FILIP1: variants seen among roughly 807,000 people sequenced by gnomAD.
The protein encoded by FILIP1 is filamin-A-interacting protein 1.
A neutral mutation model predicts 102.1 loss-of-function variants in FILIP1; 61 were observed. That is an observed-to-expected ratio of 0.60 (90% CI 0.49 to 0.74). The LOEUF is 0.74. Among genes scored for constraint, FILIP1 ranks in the 30% least tolerant of loss-of-function variants. FILIP1 has a pLI of 0.00. For missense variants in FILIP1, 1,314 were observed against 1,441.2 expected (o/e 0.91, Z 1.43); for synonymous variants, 491 against 526.9 (o/e 0.93, Z 0.93).
In FILIP1 at chr6:75,446,808, G is replaced by A. The variant is rs111718931; in HGVS notation, c.-6-31830C>T. On this transcript the variant is annotated intron_variant, in intron 1 of 5. Transcript: ENST00000237172. ...AGCAAATGTAAACTGGGTGCACAAC[G>A]TTCCAACAGTTCTGTAATTTGGGGA... Among the ~76,000 whole-genome samples the A allele has an allele frequency of 5.1e-3, 777 of 152,232 alleles. 16 individuals carry two copies. The highest frequency in any genetic ancestry group is 0.018 in the African/African-American group (728 of 41,542).
Position 75,299,474 on chromosome 6 carries a change from A to G in FILIP1, c.3494-3524T>C, listed in dbSNP as rs533799069. Among the ~76,000 whole-genome samples, 3 of 152,298 alleles carry G rather than the reference A, an allele frequency of 2.0e-5. No homozygotes were observed. The South Asian group carries it at 6.2e-4, about 32-fold the overall frequency. ...GCACTTAAATTTGGGACCCTCTGATATGAAGATGTTTATTAACATAATTTC... is the reference window on the plus strand; with the variant it reads ...GCACTTAAATTTGGGACCCTCTGATGTGAAGATGTTTATTAACATAATTTC... On this transcript the variant is annotated intron_variant, in intron 6 of 6. Transcript: ENST00000393004.
chr6:75,482,959 T>C (rs1437313606), intron 1 of FILIP1, among the ~76,000 whole-genome samples: 3 of 152,220 alleles, frequency 2.0e-5, no homozygotes, highest in African/African-American at 4.8e-5. Flanking sequence ...GGTTGAATTT[T>C]TGAATTTACA....
chr6:75,313,369 A>T lies in FILIP1; in HGVS notation c.2463T>A (p.Ala821=). Residue 821 remains alanine (A), a synonymous_variant, in exon 5 of 6, where the codon GCT becomes GCA. Transcript: ENST00000237172. This position sits in a 1 kb window ranked among gnomAD's most constrained non-coding sequence, Gnocchi z 4.2. The part of the protein sequence containing the change: ...SGEAAEEETP[A]VFIRKSFQEE... Reference sequence around the variant, plus strand: ...CCTGGAAGGATTTCCGTATGAATACAGCTGGCGTTTCTTCCTCTGCTGCTT... The same window carrying T: ...CCTGGAAGGATTTCCGTATGAATACTGCTGGCGTTTCTTCCTCTGCTGCTT... 11 of 1,614,234 alleles carry T rather than the reference A, an allele frequency of 6.8e-6. No homozygotes were observed. The highest frequency in any genetic ancestry group is 9.3e-6 in the Non-Finnish European group (11 of 1,180,042).
At chr6:75,432,456 CAG>C (rs1162664364) in intron 1 of FILIP1, among the ~76,000 whole-genome samples, 1 of 152,148 alleles carries the variant, frequency 6.6e-6, no homozygotes, top group African/African-American at 2.4e-5. Flanking sequence ...AGATAAATCA[CAG>C]AGAGAGCTGG....
intron 1 of FILIP1, among the ~76,000 whole-genome samples, chr6:75,436,356 C>A (rs1259653233): frequency 6.6e-6 from 1 of 150,640 alleles, no homozygotes; most frequent in East Asian, 2.0e-4. Context: ...CAGAGTGAGA[C>A]CCTGTCTCAG....
chr6:75,435,665 C>T (rs1777994346), intron 1 of FILIP1, among the ~76,000 whole-genome samples: 1 of 152,210 alleles, frequency 6.6e-6, no homozygotes, highest in Admixed American at 6.5e-5. Flanking sequence ...ATGAATAACT[C>T]TGCTCTTAAA....
At chr6:75,357,610 T>C (rs576099268) in intron 3 of FILIP1, among the ~76,000 whole-genome samples, 63 of 152,260 alleles carry the variant, frequency 4.1e-4, no homozygotes, top group Non-Finnish European at 7.8e-4. Context: ...ATGTGTTTCT[T>C]AGGCAGAGCT....
intron 2 of FILIP1, among the ~76,000 whole-genome samples, chr6:75,387,276 C>T (rs935513281): frequency 2.0e-5 from 3 of 152,032 alleles, no homozygotes; most frequent in Admixed American, 2.0e-4. Flanking sequence ...CTTTGATGGG[C>T]ATTTGGGTTG....
rs1349349617 is a variant in FILIP1, at chr6:75,430,474, G to GA, written c.-6-15497dup. Among the ~76,000 whole-genome samples the GA allele has an allele frequency of 4.0e-5, 6 of 151,704 alleles. No individual in the cohort carries two copies. The East Asian group carries it at 5.8e-4, about 15-fold the overall frequency. On this transcript the variant is annotated intron_variant, in intron 1 of 5. Coordinates refer to ENST00000237172, the MANE Select transcript of FILIP1 (RefSeq NM_015687.5). ...GTATTATAAATCATATCAAAAAACA[G>GA]AAAAAAATAACAAAATGAAGTAATT...
Position 75,392,696 on chromosome 6 carries a change from C to A in FILIP1, c.276+22001G>T, listed in dbSNP as rs117893935. 1.2e-3 allele frequency among the ~76,000 whole-genome samples: 184 copies of A among 152,266 alleles called. 5 individuals are homozygous for A. The East Asian group carries it at 0.034, about 28-fold the overall frequency. On this transcript the variant is annotated intron_variant, in intron 2 of 5. Coordinates refer to ENST00000237172, the MANE Select transcript of FILIP1 (RefSeq NM_015687.5). ...TTTTGCTCTGTGCCCCCACCCAAAT[C>A]TCATATTGTAGCTCCCATAATTCCC...
intron 4 of FILIP1, among the ~76,000 whole-genome samples, chr6:75,323,381 A>G (rs559254775): frequency 8.5e-5 from 13 of 152,234 alleles, no homozygotes; most frequent in Non-Finnish European, 1.3e-4. Context: ...TAAAAACCAG[A>G]AAAAAGAAAT....
At chr6:75,328,107 C>A (rs905721627) in intron 4 of FILIP1, among the ~76,000 whole-genome samples, 4 of 152,034 alleles carry the variant, frequency 2.6e-5, no homozygotes, top group African/African-American at 9.7e-5. Context: ...GAAAGGGGAA[C>A]CTATGGATTT....
chr6:75,353,475 G>A (rs1774879124), intron 4 of FILIP1, 64 bp downstream of exon 4: 1 of 1,564,172 alleles, frequency 6.4e-7, no homozygotes, highest in Middle Eastern at 1.7e-4. Flanking sequence ...ATCCCTGAAG[G>A]GACGGGCAGA....
chr6:75,296,814 G>A (rs2149531303), intron 6 of FILIP1: 1 of 152,038 alleles, frequency 6.6e-6, no homozygotes, highest in Middle Eastern at 3.4e-3. Context: ...CTAGATTGAG[G>A]TAGTAATTAC....
chr6:75,454,199 T>C (rs1778742781), intron 1 of FILIP1, among the ~76,000 whole-genome samples: 1 of 152,186 alleles, frequency 6.6e-6, no homozygotes, highest in South Asian at 2.1e-4. Flanking sequence ...CTTACAGCTG[T>C]AGGACTGAGG....
chr6:75,415,328 T>G (rs1356497179), intron 1 of FILIP1, among the ~76,000 whole-genome samples: 1 of 151,944 alleles, frequency 6.6e-6, no homozygotes, highest in African/African-American at 2.4e-5. Context: ...GGAAACTGGG[T>G]GTAGGGCATA....
At chr6:75,321,081 CCTT>C (rs1323226702) in intron 4 of FILIP1, among the ~76,000 whole-genome samples, 5 of 151,944 alleles carry the variant, frequency 3.3e-5, no homozygotes, top group Non-Finnish European at 7.4e-5. Context: ...TTCTCCCTCT[CCTT>C]CTTCTTCAAG....
At chr6:75,315,357 G>T (rs1773408706) in intron 4 of FILIP1, among the ~76,000 whole-genome samples, 155 bp from the exon 5 acceptor site, 1 of 152,138 alleles carries the variant, frequency 6.6e-6, no homozygotes, top group Non-Finnish European at 1.5e-5. Flanking sequence ...AAATGAATGG[G>T]AAGTCAAAAT....
intron 4 of FILIP1, among the ~76,000 whole-genome samples, chr6:75,336,134 G>C (rs550793260): frequency 6.6e-6 from 1 of 152,262 alleles, no homozygotes; most frequent in African/African-American, 2.4e-5. Context: ...TGGGGAAACT[G>C]ACATTGAAGA....
Sources: allele counts gnomAD v4.1 joint callset (sites outside exome capture counted in the v4.1 genomes callset), GRCh38; gene constraint gnomAD v4.1.1; non-coding constraint Gnocchi (gnomAD v3.1); transcripts MANE v1.5; gene names NCBI Gene and HGNC (gene_info 2026-07-23, HGNC 2026-07-21).